The following MRPS9 variants were observed in gnomAD, a reference collection of about 807,000 sequenced individuals.
MRPS9 encodes mitochondrial ribosomal protein S9.
MRPS9 carries 45 observed loss-of-function variants against 59.9 expected under a neutral mutation model. That is an observed-to-expected ratio of 0.75 (90% CI 0.59 to 0.96). The LOEUF (loss-of-function observed/expected upper bound fraction) is 0.96, where lower values mean the gene tolerates loss of function less well. Ranked by LOEUF, MRPS9 falls within the 40% of genes least tolerant of loss-of-function variation. The pLI is 0.00. For synonymous variants in MRPS9, 171 were observed against 166.8 expected (o/e 1.03, Z -0.19); for missense variants, 473 against 481.1 (o/e 0.98, Z 0.16).
Position 105,099,777 on chromosome 2 carries a change from A to G in MRPS9, c.*16A>G, listed in dbSNP as rs764799172. On this transcript the variant is annotated 3_prime_UTR_variant, in exon 11 of 11. Coordinates refer to ENST00000258455, the MANE Select transcript of MRPS9 (RefSeq NM_182640.3). ...GAAACGCTAAGGGTTTGCTCCCAGG[A>G]AAGGAGAGGAAGAGCTATATATATG... The G allele has an allele frequency of 7.4e-6, 12 of 1,612,956 alleles. No individual in the cohort carries two copies. In the East Asian group the frequency reaches 2.7e-4, roughly 36 times the overall value.
At chr2:105,047,484 G>A (rs1019759558) in intron 1 of MRPS9, among the ~76,000 whole-genome samples, 3 of 151,994 alleles carry the variant, frequency 2.0e-5, no homozygotes, top group South Asian at 4.1e-4. Context: ...TGGAAGGGAA[G>A]GGGATGGAGG....
chr2:105,064,533 T>C (rs1420387421), intron 2 of MRPS9, among the ~76,000 whole-genome samples: 2 of 152,092 alleles, frequency 1.3e-5, no homozygotes, highest in African/African-American at 2.4e-5. Context: ...TGTGGCATCA[T>C]TGGTATGGAA....
rs1318172825 is a variant in MRPS9, at chr2:105,089,973, T to G, written c.629T>G (p.Val210Gly). The change falls in exon 7 of 11, where the codon GTG (valine) becomes GGG (glycine). Residue 210 changes from valine (V) to glycine (G), a missense_variant. Physicochemically the swap from Val to Gly is moderately radical, Grantham distance 109 (BLOSUM62 -3). Coordinates refer to ENST00000258455, the MANE Select transcript of MRPS9 (RefSeq NM_182640.3). ...LIKEELEEML[V>G]EKLSDLDYMQ... ...AAGGAGGAACTAGAAGAAATGTTAG[T>G]GGAAAAACTGTCAGATCTAGATGTG... The G allele has an allele frequency of 2.5e-6, 4 of 1,607,930 alleles. No homozygotes were observed. The East Asian group carries it at 8.9e-5, about 36-fold the overall frequency.
intron 2 of MRPS9, among the ~76,000 whole-genome samples, chr2:105,061,200 A>G (rs1423228650): frequency 1.3e-5 from 2 of 151,976 alleles, no homozygotes; most frequent in African/African-American, 4.8e-5. Flanking sequence ...CTCAAGTTAC[A>G]ATGCCCTAAC....
intron 1 of MRPS9, among the ~76,000 whole-genome samples, chr2:105,043,936 A>ATT (rs747143555): frequency 1.2e-4 from 14 of 120,550 alleles, no homozygotes; most frequent in South Asian, 5.2e-4. Context: ...CCCGGCTGCA[A>ATT]TTTTTTTTTT....
Position 105,089,978 on chromosome 2 carries a change from A to G in MRPS9, c.634A>G (p.Lys212Glu). The change falls in exon 7 of 11, where the codon AAA becomes GAA. Residue 212 changes from lysine (K) to glutamate (E), a missense_variant. Coordinates refer to ENST00000258455, the MANE Select transcript of MRPS9 (RefSeq NM_182640.3). The stretch of plus-strand genomic sequence containing the variant: ...GGAACTAGAAGAAATGTTAGTGGAA[A>G]AACTGTCAGATCTAGATGTGAGTAA... ...KEELEEMLVE[K>E]LSDLDYMQFI... 6.2e-7 allele frequency: 1 copy of G among 1,605,294 alleles called. No homozygotes were observed. The highest frequency in any genetic ancestry group is 1.1e-5 in the South Asian group (1 of 90,378).
At chr2:105,083,480 G>GA (rs1680387767) in intron 5 of MRPS9, among the ~76,000 whole-genome samples, 1 of 151,998 alleles carries the variant, frequency 6.6e-6, no homozygotes, top group South Asian at 2.1e-4. Flanking sequence ...TTAATTTTAA[G>GA]AAAAAAACAT....
Position 105,087,966 on chromosome 2 carries a change from T to C in MRPS9, c.490-1018T>C, listed in dbSNP as rs116293791. 3.3e-3 allele frequency among the ~76,000 whole-genome samples: 496 copies of C among 152,270 alleles called. 3 individuals carry two copies. Among genetic ancestry groups the C allele is most frequent in the African/African-American group, 0.011 (470 of 41,556 alleles). Reference sequence around the variant, plus strand: ...TTATCAGCAACATTATGTGGTAATATGGCAGTCTAATCAGAGCCCACAAGA... The same window carrying C: ...TTATCAGCAACATTATGTGGTAATACGGCAGTCTAATCAGAGCCCACAAGA... On this transcript the variant is annotated intron_variant, in intron 5 of 10. Transcript: ENST00000258455.
In MRPS9 at chr2:105,097,249, G is replaced by A. The variant is rs771232891; in HGVS notation, c.1024G>A (p.Gly342Arg). 1.2e-6 allele frequency: 2 copies of A among 1,613,290 alleles called. No homozygotes were observed. Among genetic ancestry groups the A allele is most frequent in the Non-Finnish European group, 1.7e-6 (2 of 1,179,670 alleles). Reference protein sequence around the residue: ...VSGGGRSAQAGAIRLAMAKAL... With the variant: ...VSGGGRSAQARAIRLAMAKAL... The stretch of plus-strand genomic sequence containing the variant: ...AGGGGGCGGGAGGTCAGCGCAGGCT[G>A]GAGCAATACGACTGGCAATGGCAAA... The change falls in exon 10 of 11, where the codon GGA becomes AGA. Residue 342 changes from glycine to arginine, a missense_variant. Coordinates refer to ENST00000258455, the MANE Select transcript of MRPS9 (RefSeq NM_182640.3).
intron 7 of MRPS9, 34 bp from the exon 8 acceptor site, chr2:105,092,367 C>A: frequency 6.5e-7 from 1 of 1,549,320 alleles, no homozygotes; most frequent in South Asian, 1.3e-5. Context: ...TGCAATTACA[C>A]TTGCACCTTC....
At chr2:105,053,775 A>G (rs1248794386) in intron 2 of MRPS9, among the ~76,000 whole-genome samples, 2 of 152,206 alleles carry the variant, frequency 1.3e-5, no homozygotes, top group Non-Finnish European at 2.9e-5. Context: ...TGTACTTTTA[A>G]AACTCTGTGT....
At chr2:105,056,433 G>A (rs1679792317) in intron 2 of MRPS9, among the ~76,000 whole-genome samples, 1 of 152,130 alleles carries the variant, frequency 6.6e-6, no homozygotes, top group Admixed American at 6.5e-5. Flanking sequence ...CAGCTATGCT[G>A]TATTACTGAT....
intron 2 of MRPS9, among the ~76,000 whole-genome samples, chr2:105,060,030 A>AAAG (rs1679867319): frequency 6.6e-6 from 1 of 151,418 alleles, no homozygotes; most frequent in South Asian, 2.1e-4. Context: ...AAAAAAAAAA[A>AAAG]AAAAAAAAAG....
At chr2:105,091,469 T>A (rs1391756019) in intron 7 of MRPS9, 1 of 444,494 alleles carries the variant, frequency 2.2e-6, no homozygotes. Flanking sequence ...GAAGAGTGCC[T>A]TCTCTTTCAT....
intron 7 of MRPS9, 43 bp from the exon 8 acceptor site, chr2:105,092,358 G>T (rs778069089): frequency 1.3e-6 from 2 of 1,498,722 alleles, no homozygotes; most frequent in African/African-American, 1.4e-5. Flanking sequence ...TTTAGCAAAT[G>T]CAATTACACT....
chr2:105,063,332 T>A (rs1306636426), intron 2 of MRPS9, among the ~76,000 whole-genome samples: 1 of 152,214 alleles, frequency 6.6e-6, no homozygotes, highest in Non-Finnish European at 1.5e-5. Context: ...AACAAAAGGT[T>A]ATATGACTTT....
Position 105,092,263 on chromosome 2 carries a change from C to T in MRPS9, c.652-138C>T, listed in dbSNP as rs560396048. ...CATCTGCATGCTGTTTTAAAAGCAG[C>T]GTGAAGATGCAGAAGTGTCATCCTG... On this transcript the variant is annotated intron_variant, in intron 7 of 10. Coordinates refer to ENST00000258455, the MANE Select transcript of MRPS9 (RefSeq NM_182640.3). 2.7e-5 allele frequency: 17 copies of T among 618,882 alleles called. 1 individual carries two copies. In the South Asian group the frequency reaches 4.2e-4, roughly 15 times the overall value. The allele number at this position is 618,882 out of a possible 1,614,324, so 38.3% of individuals were successfully genotyped here. A position where few individuals can be genotyped will look rare whatever the true frequency, so the allele number is the denominator to read the frequency against.
intron 2 of MRPS9, among the ~76,000 whole-genome samples, chr2:105,065,454 A>G (rs1679982814): frequency 6.6e-6 from 1 of 152,182 alleles, no homozygotes; most frequent in South Asian, 2.1e-4. Flanking sequence ...AAAACTGAAT[A>G]TTTTTGTATA....
intron 2 of MRPS9, among the ~76,000 whole-genome samples, chr2:105,056,979 C>T (rs1679802510): frequency 6.6e-6 from 1 of 151,916 alleles, no homozygotes; most frequent in Non-Finnish European, 1.5e-5. Context: ...AGAATTAGCT[C>T]AAATTGGTGC....
Sources: gnomAD v4.1 joint callset for allele counts (sites outside exome capture counted in the v4.1 genomes callset) on GRCh38, gnomAD v4.1.1 for gene constraint, MANE v1.5 for transcripts, NCBI Gene and HGNC (gene_info 2026-07-23, HGNC 2026-07-21) for gene names.